Variants in TAF1A observed in about 807,000 individuals in gnomAD.
TAF1A encodes TATA box-binding protein-associated factor RNA polymerase I subunit A.
Under a neutral mutation model 61.6 loss-of-function variants are expected in TAF1A, and 42 were observed. That is an observed-to-expected ratio of 0.68 (90% CI 0.53 to 0.88). TAF1A has a LOEUF of 0.88. TAF1A is among the 40% of genes least tolerant of loss of function. TAF1A has a pLI of 0.00. For synonymous variants in TAF1A, 179 were observed against 177.7 expected, an observed-to-expected ratio of 1.01 and a Z score of -0.06; for missense variants, 424 against 518.7, an observed-to-expected ratio of 0.82 and a Z score of 1.77.
intron 2 of TAF1A, among the ~76,000 whole-genome samples, chr1:222,587,157 A>C (rs1469181232): frequency 6.6e-6 from 1 of 152,254 alleles, no homozygotes; most frequent in Non-Finnish European, 1.5e-5. Flanking sequence ...AGCCATGTGC[A>C]TTAATCTAGC....
chr1:222,577,305 G>C, intron 5 of TAF1A, 140 bp downstream of exon 5: 1 of 647,280 alleles, frequency 1.5e-6, no homozygotes, highest in Non-Finnish European at 2.6e-6. Flanking sequence ...TATTATAAAG[G>C]ATCAAGAATT....
At chr1:222,579,958 T>C in intron 3 of TAF1A, 86 bp from the exon 4 acceptor site, 1 of 1,469,628 alleles carries the variant, frequency 6.8e-7, no homozygotes, top group Non-Finnish European at 9.1e-7. Context: ...GATTACAACA[T>C]TAATAACCTG....
At chr1:222,577,963 C>T (rs992350853) in intron 4 of TAF1A, among the ~76,000 whole-genome samples, 2 of 152,188 alleles carry the variant, frequency 1.3e-5, no homozygotes, top group African/African-American at 4.8e-5. Flanking sequence ...AAATTATTCA[C>T]TCTTTGTGAG....
chr1:222,579,487 C>G (rs1339180963), intron 4 of TAF1A, among the ~76,000 whole-genome samples: 2 of 152,200 alleles, frequency 1.3e-5, no homozygotes, highest in Non-Finnish European at 2.9e-5. Context: ...TCTGGCCCAT[C>G]ATCATACCAC....
At position 222,561,478 on chromosome 1, in the gene TAF1A, T is replaced by C; in HGVS notation, c.1126A>G (p.Lys376Glu). 2 of 1,612,474 alleles carry C rather than the reference T, an allele frequency of 1.2e-6. No homozygotes were observed. The highest frequency in any genetic ancestry group is 1.7e-6 in the Non-Finnish European group (2 of 1,179,202). Reference sequence around the variant, plus strand: ...AAATGAAAGCCTGGCCACCAGTTTTTCCTGGAGTTCCACTCTTCTTGAACC... The same window carrying C: ...AAATGAAAGCCTGGCCACCAGTTTTCCCTGGAGTTCCACTCTTCTTGAACC... ...AWVQEEWNSR[K>E]NWWPGFHFSY... The change falls in exon 10 of 11, where the codon AAA (lysine) becomes GAA (glutamate). Residue 376 changes from lysine (K) to glutamate (E), a missense_variant. Physicochemically the swap from Lys to Glu is moderately conservative, Grantham distance 56 (BLOSUM62 1). Coordinates refer to ENST00000352967, the MANE Select transcript of TAF1A (RefSeq NM_005681.4).
chr1:222,571,945 G>C (rs1378092657), intron 5 of TAF1A, among the ~76,000 whole-genome samples: 1 of 152,162 alleles, frequency 6.6e-6, no homozygotes, highest in African/African-American at 2.4e-5. Context: ...GGCCAGGCAT[G>C]GTGGCTCACA....
intron 2 of TAF1A, among the ~76,000 whole-genome samples, chr1:222,586,694 G>A (rs901290116): frequency 1.3e-5 from 2 of 152,098 alleles, no homozygotes; most frequent in African/African-American, 2.4e-5. Flanking sequence ...AAGCACTATC[G>A]CAGGTACTCA....
intron 9 of TAF1A, among the ~76,000 whole-genome samples, chr1:222,562,555 C>T (rs773239673): frequency 2.6e-5 from 4 of 152,098 alleles, no homozygotes; most frequent in Non-Finnish European, 5.9e-5. Flanking sequence ...ACTGAATTGC[C>T]TAACAACTAA....
chr1:222,569,762 T>TA, intron 6 of TAF1A, 94 bp from the exon 7 acceptor site: 4 of 1,184,892 alleles, frequency 3.4e-6, no homozygotes, highest in Non-Finnish European at 4.6e-6. Flanking sequence ...GGGTATTTTT[T>TA]AAAAATCACA....
chr1:222,577,769 A>T, intron 4 of TAF1A, 126 bp from the exon 5 acceptor site: 1 of 801,558 alleles, frequency 1.2e-6, no homozygotes, highest in East Asian at 2.6e-5. Flanking sequence ...TGACATGGAA[A>T]ATTTTGATGT....
intron 3 of TAF1A, among the ~76,000 whole-genome samples, chr1:222,581,720 T>G (rs1405000624): frequency 6.6e-6 from 1 of 152,038 alleles, no homozygotes; most frequent in Non-Finnish European, 1.5e-5. Context: ...TGAAGGAGGG[T>G]AGCTGCAGTG....
At chr1:222,577,743 T>G in intron 4 of TAF1A, 100 bp from the exon 5 acceptor site, 1 of 1,068,352 alleles carries the variant, frequency 9.4e-7, no homozygotes, top group Non-Finnish European at 1.4e-6. Context: ...AAGACCTTGG[T>G]AGGATACAAA....
chr1:222,584,891 T>C (rs1660951222), intron 2 of TAF1A, among the ~76,000 whole-genome samples: 1 of 152,238 alleles, frequency 6.6e-6, no homozygotes, highest in Non-Finnish European at 1.5e-5. Context: ...CATCTTCTTA[T>C]CTTCCCACGT....
At chr1:222,588,399 AC>A (rs773948482) in intron 2 of TAF1A, 43 bp downstream of exon 2, 61 of 1,595,892 alleles carry the variant, frequency 3.8e-5, no homozygotes, top group Admixed American at 3.7e-4. Flanking sequence ...GAATCTTACC[AC>A]CTCCTTAAAG....
intron 7 of TAF1A, chr1:222,569,161 G>A (rs1170745580): frequency 1.3e-6 from 1 of 786,594 alleles, no homozygotes; most frequent in Non-Finnish European, 1.7e-6. Flanking sequence ...TACCATGGTG[G>A]TTCATGAATG....
In TAF1A at chr1:222,588,463, T is replaced by C; in HGVS notation, c.101A>G (p.Gln34Arg). 1 of 1,613,902 alleles carries C rather than the reference T, an allele frequency of 6.2e-7. No homozygotes were observed. The highest frequency in any genetic ancestry group is 8.5e-7 in the Non-Finnish European group (1 of 1,179,960). ...SGAGMHFPWLQTYVETVAIGG... is the reference protein window; with the variant it reads ...SGAGMHFPWLRTYVETVAIGG... Reference sequence around the variant, plus strand: ...CTTACCCACAGTTTCTACGTATGTTTGAAGCCAAGGAAAATGCATTCCTGC... The same window carrying C: ...CTTACCCACAGTTTCTACGTATGTTCGAAGCCAAGGAAAATGCATTCCTGC... Residue 34 changes from glutamine (Q) to arginine (R), a missense_variant, in exon 2 of 11, where the codon CAA becomes CGA. Gln to Arg is a conservative substitution (Grantham distance 43). Coordinates refer to ENST00000352967, the MANE Select transcript of TAF1A (RefSeq NM_005681.4).
At chr1:222,574,846 A>G (rs1660502390) in intron 5 of TAF1A, among the ~76,000 whole-genome samples, 1 of 152,322 alleles carries the variant, frequency 6.6e-6, no homozygotes, top group South Asian at 2.1e-4. Flanking sequence ...AGTGATTAAC[A>G]TAAGTCAGGA....
chr1:222,559,494 AT>A (rs1217183701), intron 10 of TAF1A, among the ~76,000 whole-genome samples: 4 of 152,186 alleles, frequency 2.6e-5, no homozygotes, highest in Admixed American at 6.5e-5. Context: ...TGTAAACTGG[AT>A]ATTGAGGTTT....
chr1:222,576,031 T>C (rs1205791950), intron 5 of TAF1A, among the ~76,000 whole-genome samples: 2 of 152,174 alleles, frequency 1.3e-5, no homozygotes, highest in East Asian at 3.9e-4. Context: ...AGAGGAATAT[T>C]ACATCAAACA....
Sources: allele counts gnomAD v4.1 joint callset (sites outside exome capture counted in the v4.1 genomes callset), GRCh38; gene constraint gnomAD v4.1.1; transcripts MANE v1.5; gene names NCBI Gene and HGNC (gene_info 2026-07-23, HGNC 2026-07-21).